The following PACRG variants were observed in gnomAD, a reference collection of about 807,000 sequenced individuals.
PACRG encodes parkin coregulated, also known as parkin coregulated gene protein.
Under a neutral mutation model 29.7 loss-of-function variants are expected in PACRG, and 29 were observed. That is an observed-to-expected ratio of 0.98 (90% CI 0.73 to 1.33). PACRG has a LOEUF of 1.33. PACRG is among the 40% of genes most tolerant of loss of function. The pLI, the probability that PACRG is intolerant of heterozygous loss-of-function variation, is 0.00. For missense variants in PACRG, 279 were observed against 316.2 expected (o/e 0.88, Z 0.89); for synonymous variants, 116 against 118.7 (o/e 0.98, Z 0.15).
chr6:163,281,828 A>C (rs1348159181), intron 4 of PACRG, among the ~76,000 whole-genome samples: 2 of 152,188 alleles, frequency 1.3e-5, no homozygotes, highest in African/African-American at 2.4e-5. Context: ...AGGCCCACCC[A>C]ATTTTGGCAT....
intron 4 of PACRG, among the ~76,000 whole-genome samples, chr6:163,118,348 C>T (rs562828350): frequency 6.6e-6 from 1 of 152,346 alleles, no homozygotes; most frequent in Non-Finnish European, 1.5e-5. Context: ...GCCACTTGTC[C>T]TTTGAGTCAC....
chr6:162,773,343 C>T (rs952598967), intron 1 of PACRG, among the ~76,000 whole-genome samples: 7 of 151,834 alleles, frequency 4.6e-5, no homozygotes, highest in African/African-American at 1.7e-4. Flanking sequence ...GCTTGCTTTT[C>T]AAAATGCACA....
upstream of PACRG, chr6:162,727,932 T>A: frequency 1.7e-6 from 1 of 586,938 alleles, no homozygotes; most frequent in Non-Finnish European, 3.0e-6. Flanking sequence ...CAATCTTACG[T>A]CACCGGGGGG....
At chr6:162,996,413 A>C (rs1340280628) in intron 2 of PACRG, among the ~76,000 whole-genome samples, 2 of 152,148 alleles carry the variant, frequency 1.3e-5, no homozygotes, top group Admixed American at 1.3e-4. Context: ...ACATCCTTCA[A>C]ATCAAATATA....
intron 2 of PACRG, among the ~76,000 whole-genome samples, chr6:162,877,835 C>T (rs71551185): frequency 0.017 from 2,619 of 152,188 alleles, 40 homozygotes; most frequent in Non-Finnish European, 0.027. Context: ...AGGGATTTTG[C>T]TTTCCATTAA....
chr6:162,985,203 T>A lies in PACRG; in HGVS notation c.292-76947T>A, dbSNP rs375884733. Among the ~76,000 whole-genome samples the A allele has an allele frequency of 1.1e-4, 16 of 152,220 alleles. No individual in the cohort carries two copies. The East Asian group carries it at 2.5e-3, about 24-fold the overall frequency. ...GAGGGAATCCTCCTTTCAGTCATTC[T>A]ATGAAGCCAGTACCACCCTAATACC... On this transcript the variant is annotated intron_variant, in intron 2 of 4. Transcript: ENST00000366888.
At chr6:162,988,921 G>C (rs1049773098) in intron 2 of PACRG, among the ~76,000 whole-genome samples, 2 of 152,182 alleles carry the variant, frequency 1.3e-5, no homozygotes, top group Non-Finnish European at 2.9e-5. Flanking sequence ...CAAATAGGCA[G>C]GAGCTACTGA....
At chr6:162,871,906 G>A (rs1342789682) in intron 2 of PACRG, among the ~76,000 whole-genome samples, 1 of 150,788 alleles carries the variant, frequency 6.6e-6, no homozygotes, top group Non-Finnish European at 1.5e-5. Context: ...GACAGAGCCA[G>A]ACTCCGTCTC....
intron 4 of PACRG, among the ~76,000 whole-genome samples, chr6:163,302,048 T>C (rs890917874): frequency 6.6e-6 from 1 of 152,172 alleles, no homozygotes; most frequent in Non-Finnish European, 1.5e-5. Flanking sequence ...TTTTAAGAGA[T>C]AAAAATGTAA....
intron 2 of PACRG, among the ~76,000 whole-genome samples, chr6:162,918,906 T>A (rs575375437): frequency 1.2e-4 from 19 of 152,286 alleles, no homozygotes; most frequent in Non-Finnish European, 2.2e-4. Context: ...AATAGTTATT[T>A]AATATTAACT....
chr6:163,315,091 T>A lies in PACRG; in HGVS notation c.*104T>A. The stretch of plus-strand genomic sequence containing the variant: ...TTGTGACTTCCACAGCTTTCTTTTC[T>A]ACAGCTGCTAAAATAGTGGCTTATG... On this transcript the variant is annotated 3_prime_UTR_variant, in exon 5 of 5. Coordinates refer to ENST00000366888, the MANE Select transcript of PACRG (RefSeq NM_001080379.2). 7.4e-7 allele frequency: 1 copy of A among 1,353,272 alleles called. No individual in the cohort carries two copies. The highest frequency in any genetic ancestry group is 1.0e-6 in the Non-Finnish European group (1 of 986,190). The allele number at this position is 1,353,272 out of a possible 1,614,324, so 83.8% of individuals were successfully genotyped here. A position where few individuals can be genotyped will look rare whatever the true frequency, so the allele number is the denominator to read the frequency against.
intron 2 of PACRG, among the ~76,000 whole-genome samples, chr6:163,053,032 T>C (rs1251538995): frequency 6.6e-6 from 1 of 152,220 alleles, no homozygotes; most frequent in East Asian, 1.9e-4. Flanking sequence ...CATTCCTTGT[T>C]CTGTGTCCCT....
At chr6:163,210,385 G>T (rs1216948677) in intron 4 of PACRG, among the ~76,000 whole-genome samples, 1 of 152,156 alleles carries the variant, frequency 6.6e-6, no homozygotes, top group African/African-American at 2.4e-5. Flanking sequence ...AGTAAGTGTT[G>T]AACATGAGGA....
intron 1 of PACRG, among the ~76,000 whole-genome samples, chr6:162,811,927 A>G (rs1786906249): frequency 6.6e-6 from 1 of 152,148 alleles, no homozygotes; most frequent in Non-Finnish European, 1.5e-5. Context: ...AGCTTTTCAG[A>G]TTTTGATACT....
intron 4 of PACRG, among the ~76,000 whole-genome samples, chr6:163,262,608 ACATG>A (rs1215961733): frequency 2.6e-5 from 4 of 151,998 alleles, no homozygotes; most frequent in South Asian, 2.1e-4. Flanking sequence ...CGATGCTCAG[ACATG>A]GCCATCGGCA....
intron 4 of PACRG, among the ~76,000 whole-genome samples, chr6:163,249,506 GT>G (rs1782822457): frequency 1.3e-5 from 2 of 152,198 alleles, no homozygotes; most frequent in South Asian, 4.1e-4. Flanking sequence ...GTTAATTCTA[GT>G]TAAGGGCATG....
chr6:162,736,788 A>G (rs1412888243), intron 1 of PACRG, among the ~76,000 whole-genome samples: 3 of 151,966 alleles, frequency 2.0e-5, no homozygotes, highest in Non-Finnish European at 4.4e-5. Flanking sequence ...GTTTGTATAG[A>G]TTGCAATGTA....
chr6:162,762,400 G>A (rs2128292864), intron 1 of PACRG, among the ~76,000 whole-genome samples: 1 of 152,350 alleles, frequency 6.6e-6, no homozygotes, highest in East Asian at 1.9e-4. Context: ...ATCTATGATG[G>A]ATGGCTTAGG....
chr6:163,198,182 A>C (rs1233383463), intron 4 of PACRG, among the ~76,000 whole-genome samples: 1 of 152,362 alleles, frequency 6.6e-6, no homozygotes, highest in African/African-American at 2.4e-5. Flanking sequence ...GACTGGAACT[A>C]GTTATTCACT....
Sources: gnomAD v4.1 joint callset for allele counts (sites outside exome capture counted in the v4.1 genomes callset) on GRCh38, gnomAD v4.1.1 for gene constraint, MANE v1.5 for transcripts, NCBI Gene and HGNC (gene_info 2026-07-23, HGNC 2026-07-21) for gene names.